Variants in LAPTM5 observed in about 807,000 individuals in gnomAD.
LAPTM5 encodes the protein lysosomal protein transmembrane 5, also known as lysosomal-associated transmembrane protein 5.
In LAPTM5, 11 loss-of-function variants were observed where a neutral mutation model predicts 30.1. The ratio of observed to expected loss-of-function variants is 0.37; its 90% CI spans 0.23 to 0.60. The LOEUF (loss-of-function observed/expected upper bound fraction) is 0.60, where lower values mean the gene tolerates loss of function less well. Ranked by LOEUF, LAPTM5 falls within the 20% of genes least tolerant of loss-of-function variation. The pLI is 0.71. For missense variants in LAPTM5, 324 were observed against 332.5 expected, an observed-to-expected ratio of 0.97 and a Z score of 0.20; for synonymous variants, 151 against 137.9, an observed-to-expected ratio of 1.10 and a Z score of -0.67.
In LAPTM5 at chr1:30,733,061, A is replaced by G. The variant is rs947022413; in HGVS notation, c.*767T>C. Reference sequence around the variant, plus strand: ...GAAGGGACTGTTTTATGATGAAATAACTGTTATTTCCTGGAGCTAATTGTT... The same window carrying G: ...GAAGGGACTGTTTTATGATGAAATAGCTGTTATTTCCTGGAGCTAATTGTT... On this transcript the variant is annotated 3_prime_UTR_variant, in exon 8 of 8. Coordinates refer to ENST00000294507, the MANE Select transcript of LAPTM5 (RefSeq NM_006762.3). 13 of 154,924 alleles carry G rather than the reference A, an allele frequency of 8.4e-5. No individual in the cohort carries two copies. The highest frequency in any genetic ancestry group is 2.9e-4 in the African/African-American group (12 of 41,450). 9.6% of individuals were successfully genotyped at this position (154,924 alleles called of 1,614,324 possible). A position where few individuals can be genotyped will look rare whatever the true frequency, so the allele number is the denominator to read the frequency against.
rs188512510 is a variant in LAPTM5, at chr1:30,746,835, G to T, written c.88-4286C>A. ...CTGACCTGCCTCACAGGATTGCTGA[G>T]GTCAAATGGAATCGTGTGGTGCGCG... On this transcript the variant is annotated intron_variant, in intron 1 of 7. Transcript: ENST00000294507. The surrounding 1 kb of genome is among the most constrained non-coding windows in gnomAD (Gnocchi z 4.0). Among the ~76,000 whole-genome samples, 1 of 152,208 alleles carries T rather than the reference G, an allele frequency of 6.6e-6. No homozygotes were observed. Among genetic ancestry groups the T allele is most frequent in the Non-Finnish European group, 1.5e-5 (1 of 68,034 alleles).
chr1:30,756,764 G>T (rs1431490236), intron 1 of LAPTM5, among the ~76,000 whole-genome samples: 3 of 152,214 alleles, frequency 2.0e-5, no homozygotes, highest in Non-Finnish European at 4.4e-5. Flanking sequence ...AGCCCTTCCA[G>T]ACTCATGAGA....
In LAPTM5 at chr1:30,735,274, AG is replaced by A; in HGVS notation, c.607-10del. The A allele has an allele frequency of 1.2e-6, 2 of 1,611,826 alleles. No individual in the cohort carries two copies. The highest frequency in any genetic ancestry group is 2.7e-5 in the African/African-American group (2 of 74,996). On this transcript the variant is annotated splice_polypyrimidine_tract_variant and intron_variant, in intron 6 of 7. Transcript: ENST00000294507. ...CACTTGAACATGTAGACCTGGAAAA[AG>A]GCCCAGGTCAGGCTGTGCTTTGCTG... is the stretch of plus-strand genomic sequence containing the variant.
intron 1 of LAPTM5, among the ~76,000 whole-genome samples, chr1:30,743,055 C>T (rs1257255366): frequency 1.3e-5 from 2 of 152,184 alleles, no homozygotes; most frequent in African/African-American, 2.4e-5. Flanking sequence ...GAATCATCAA[C>T]ACAGGCCCAG....
At chr1:30,741,572 A>T in intron 3 of LAPTM5, 68 bp downstream of exon 3, 1 of 1,261,258 alleles carries the variant, frequency 7.9e-7, no homozygotes, top group African/African-American at 1.5e-5. Flanking sequence ...AGCACCCAGC[A>T]CTGCCCACCA....
Position 30,739,110 on chromosome 1 carries a change from G to A in LAPTM5, c.388-48C>T, listed in dbSNP as rs1344333282. 6.4e-7 allele frequency: 1 copy of A among 1,551,994 alleles called. No homozygotes were observed. Among genetic ancestry groups the A allele is most frequent in the Non-Finnish European group, 8.7e-7 (1 of 1,146,604 alleles). ...GGAGGAATGAGGAGCAGCAATTAAA[G>A]TCCCAGTTACTGAGCGGCACATAGT... On this transcript the variant is annotated intron_variant, in intron 4 of 7. Coordinates refer to ENST00000294507, the MANE Select transcript of LAPTM5 (RefSeq NM_006762.3). The surrounding 1 kb of genome is among the most constrained non-coding windows in gnomAD (Gnocchi z 4.2).
At chr1:30,757,635 C>A (rs1181332348) in intron 1 of LAPTM5, 24 bp downstream of exon 1, 12 of 1,609,922 alleles carry the variant, frequency 7.5e-6, no homozygotes, top group Non-Finnish European at 1.0e-5. Flanking sequence ...CGCACGCACA[C>A]ACACCCGGGG....
chr1:30,733,613 A>G lies in LAPTM5; in HGVS notation c.*215T>C, dbSNP rs1254990751. The G allele has an allele frequency of 2.0e-6, 3 of 1,530,286 alleles. No homozygotes were observed. Among genetic ancestry groups the G allele is most frequent in the Non-Finnish European group, 2.6e-6 (3 of 1,143,928 alleles). 94.8% of individuals were successfully genotyped at this position (1,530,286 alleles called of 1,614,324 possible). On this transcript the variant is annotated 3_prime_UTR_variant, in exon 8 of 8. Coordinates refer to ENST00000294507, the MANE Select transcript of LAPTM5 (RefSeq NM_006762.3). ...AGCATTGTTGGGCTGAATTATGGAG[A>G]GACCCGAGGAGTGACTCAGCCTAAA...
At chr1:30,738,187 G>A (rs140866028) in intron 5 of LAPTM5, among the ~76,000 whole-genome samples, 5 of 152,212 alleles carry the variant, frequency 3.3e-5, no homozygotes, top group Non-Finnish European at 7.3e-5. Context: ...CCCTTCTAAA[G>A]GTGGTGTTTA....
At chr1:30,742,126 T>C (rs1048999001) in intron 2 of LAPTM5, 1 of 412,912 alleles carries the variant, frequency 2.4e-6, no homozygotes, top group African/African-American at 2.0e-5. Flanking sequence ...CTGGATCCTA[T>C]GGTGAGGAGT....
At chr1:30,747,757 A>G (rs1364696504) in intron 1 of LAPTM5, among the ~76,000 whole-genome samples, 1 of 152,148 alleles carries the variant, frequency 6.6e-6, no homozygotes, top group Non-Finnish European at 1.5e-5. Context: ...GCTGGGCAAT[A>G]AGGATGGCGG....
In LAPTM5 at chr1:30,741,781, G is replaced by A; in HGVS notation, c.182-65C>T. The A allele has an allele frequency of 2.4e-6, 3 of 1,234,560 alleles. No individual in the cohort carries two copies. In the South Asian group the frequency reaches 4.2e-5, roughly 17 times the overall value. 76.5% of individuals were successfully genotyped at this position (1,234,560 alleles called of 1,614,324 possible). On this transcript the variant is annotated intron_variant, in intron 2 of 7. Transcript: ENST00000294507. Reference sequence around the variant, plus strand: ...CCTGGGACCCCAGCCAGGCTCCCAGGACCACACTTGGGGAACCACTGGTTT... The same window carrying A: ...CCTGGGACCCCAGCCAGGCTCCCAGAACCACACTTGGGGAACCACTGGTTT...
chr1:30,745,940 G>C (rs1640037274), intron 1 of LAPTM5: 2 of 152,320 alleles, frequency 1.3e-5, no homozygotes, highest in African/African-American at 4.8e-5. Context: ...ACGTGGCCCG[G>C]CTGGGGTGTG....
At chr1:30,749,185 C>T (rs182863212) in intron 1 of LAPTM5, among the ~76,000 whole-genome samples, 2 of 152,192 alleles carry the variant, frequency 1.3e-5, no homozygotes, top group Non-Finnish European at 2.9e-5. Context: ...GAGTTAGCTA[C>T]CCGCAACCAC....
intron 5 of LAPTM5, among the ~76,000 whole-genome samples, chr1:30,737,906 A>G (rs1358870629): frequency 6.6e-6 from 1 of 152,186 alleles, no homozygotes; most frequent in East Asian, 1.9e-4. Flanking sequence ...AAGAAAAGCC[A>G]AGTGGCTACT....
chr1:30,741,333 C>T (rs1639967613), intron 3 of LAPTM5, among the ~76,000 whole-genome samples: 1 of 152,240 alleles, frequency 6.6e-6, no homozygotes, highest in South Asian at 2.1e-4. Context: ...TCAAAATTCC[C>T]TGCTTCCACC....
At chr1:30,735,832 C>T (rs1639876813) in intron 6 of LAPTM5, among the ~76,000 whole-genome samples, 1 of 152,084 alleles carries the variant, frequency 6.6e-6, no homozygotes, top group Admixed American at 6.6e-5. Context: ...CAGAAAACCC[C>T]CAGGATGCCC....
chr1:30,753,085 C>CT (rs35736676), intron 1 of LAPTM5, among the ~76,000 whole-genome samples: 85,055 of 148,634 alleles, frequency 0.57, 24,371 homozygotes, highest in East Asian at 0.68. Context: ...CCTGGCCGTA[C>CT]TTTTTTTTTT....
In LAPTM5 at chr1:30,752,206, C is replaced by T. The variant is rs148128857; in HGVS notation, c.87+5453G>A. On this transcript the variant is annotated intron_variant, in intron 1 of 7. Coordinates refer to ENST00000294507, the MANE Select transcript of LAPTM5 (RefSeq NM_006762.3). ...TGGATCATTCCACACACCTGTGTGC[C>T]AGCAGGGGGACCTGAAGCAAGCTCC... 9.5e-4 allele frequency among the ~76,000 whole-genome samples: 144 copies of T among 152,354 alleles called. 2 individuals carry two copies. The highest frequency in any genetic ancestry group is 3.1e-3 in the African/African-American group (129 of 41,582).
Sources: gnomAD v4.1 joint callset for allele counts (sites outside exome capture counted in the v4.1 genomes callset) on GRCh38, gnomAD v4.1.1 for gene constraint, Gnocchi (gnomAD v3.1) non-coding constraint, MANE v1.5 for transcripts, NCBI Gene and HGNC (gene_info 2026-07-23, HGNC 2026-07-21) for gene names.